The following TRANK1 variants were observed in gnomAD, a reference collection of about 807,000 sequenced individuals.
TRANK1 encodes TPR and ankyrin repeat-containing protein 1.
A neutral mutation model predicts 266.0 loss-of-function variants in TRANK1; 198 were observed. That is an observed-to-expected ratio of 0.74 (90% CI 0.66 to 0.84). TRANK1 has a LOEUF of 0.84. Ranked by LOEUF, TRANK1 falls within the 40% of genes least tolerant of loss-of-function variation. The probability of loss-of-function intolerance (pLI) is 0.00; values close to 1 mark genes in which losing one functional copy is unlikely to be tolerated. For missense variants in TRANK1, 3,326 were observed against 3,634.6 expected (o/e 0.92, Z 2.18); for synonymous variants, 1,396 against 1,384.1 (o/e 1.01, Z -0.19).
Position 36,857,843 on chromosome 3 carries a change from C to A in TRANK1, c.1879G>T (p.Glu627Ter). 1 of 1,613,856 alleles carries A rather than the reference C, an allele frequency of 6.2e-7. No individual in the cohort carries two copies. Reference sequence around the variant, plus strand: ...ATCCGGTGCCGTGCATCTTTGCCCTCTTTGTTCTTCAGATTGAAGTTGATG... The same window carrying A: ...ATCCGGTGCCGTGCATCTTTGCCCTATTTGTTCTTCAGATTGAAGTTGATG... ...FDINFNLKNK[E>*]GKDARHRIKK... is the part of the protein sequence containing the mutation. The change falls in exon 13 of 24, where the codon GAG becomes TAG. Residue 627 changes from glutamate to a stop codon, truncating the protein, a stop_gained. Coordinates refer to ENST00000645898, the MANE Select transcript of TRANK1 (RefSeq NM_001329998.2). LOFTEE classifies it high-confidence loss of function. This position sits in a 1 kb window ranked among gnomAD's most constrained non-coding sequence, Gnocchi z 4.3.
In TRANK1 at chr3:36,831,613, C is replaced by G; in HGVS notation, c.7970G>C (p.Gly2657Ala). The change falls in exon 22 of 24, where the codon GGG (glycine) becomes GCG (alanine). Residue 2657 changes from glycine (G) to alanine (A), a missense_variant. By Grantham distance (60) the Gly-to-Ala change is moderately conservative. Coordinates refer to ENST00000645898, the MANE Select transcript of TRANK1 (RefSeq NM_001329998.2). The surrounding 1 kb of genome is among the most constrained non-coding windows in gnomAD (Gnocchi z 5.0). ...DWRWDPVHTK[G>A]SIVRGLYYEE... is the part of the protein sequence containing the mutation. The stretch of plus-strand genomic sequence containing the variant: ...ATAATAGAGGCCACGGACTATGGAC[C>G]CTTTGGTGTGCACAGGGTCCCACCG... 5 of 1,613,866 alleles carry G rather than the reference C, an allele frequency of 3.1e-6. No homozygotes were observed. Among genetic ancestry groups the G allele is most frequent in the Non-Finnish European group, 4.2e-6 (5 of 1,179,836 alleles).
At chr3:36,843,744 G>A (rs1205271815) in intron 17 of TRANK1, among the ~76,000 whole-genome samples, 1 of 152,162 alleles carries the variant, frequency 6.6e-6, no homozygotes, top group Admixed American at 6.5e-5. Context: ...CTAGGCCAAT[G>A]GATATCAACA....
chr3:36,926,827 G>T (rs1412550938), intron 1 of TRANK1, among the ~76,000 whole-genome samples: 2 of 152,132 alleles, frequency 1.3e-5, no homozygotes, highest in East Asian at 3.9e-4. Flanking sequence ...TCGAAACTGG[G>T]CAACTTCTTA....
intron 10 of TRANK1, 119 bp downstream of exon 10, chr3:36,864,200 T>C: frequency 1.7e-6 from 2 of 1,159,936 alleles, no homozygotes; most frequent in East Asian, 2.6e-5. Context: ...TGTCTGAATG[T>C]TTTACATGTA....
rs2078717746 is a variant in TRANK1 at position 36,832,959 on chromosome 3, A to G, written c.6624T>C (p.His2208=). 6.2e-7 allele frequency: 1 copy of G among 1,611,934 alleles called. No homozygotes were observed. The highest frequency in any genetic ancestry group is 8.5e-7 in the Non-Finnish European group (1 of 1,178,706). The stretch of plus-strand genomic sequence containing the variant: ...CACAACGCCGCAGAGGCCTGTGAAA[A>G]TGTTCACAGTTTTCATCCTCACATT... ...GLKCEDENCE[H]FHRPLRRCEA... The change falls in exon 22 of 24, where the codon CAT becomes CAC. Residue 2208 remains histidine, a synonymous_variant. Coordinates refer to ENST00000645898, the MANE Select transcript of TRANK1 (RefSeq NM_001329998.2).
intron 1 of TRANK1, among the ~76,000 whole-genome samples, chr3:36,941,070 T>C (rs2080490188): frequency 6.6e-6 from 1 of 152,186 alleles, no homozygotes; most frequent in Non-Finnish European, 1.5e-5. Context: ...GCCCATCCAA[T>C]GTCAAGGCTG....
Position 36,838,498 on chromosome 3 carries a change from C to A in TRANK1, c.5391G>T (p.Lys1797Asn). The A allele has an allele frequency of 6.2e-7, 1 of 1,614,066 alleles. No individual in the cohort carries two copies. The highest frequency in any genetic ancestry group is 1.3e-5 in the African/African-American group (1 of 75,064). The change falls in exon 20 of 24, where the codon AAG (lysine) becomes AAT (asparagine). Residue 1797 changes from lysine (K) to asparagine (N), a missense_variant. Physicochemically the swap from Lys to Asn is moderately conservative, Grantham distance 94. Transcript: ENST00000645898. Reference sequence around the variant, plus strand: ...TAGCCAATTCCAAATATTCCAACTGCTTTTCCCTAGGGGAAGGAAAACAAA... The same window carrying A: ...TAGCCAATTCCAAATATTCCAACTGATTTTCCCTAGGGGAAGGAAAACAAA... ...MKSKKVSPKEKQLEYLELAKT... is the reference protein window; with the variant it reads ...MKSKKVSPKENQLEYLELAKT...
chr3:36,864,041 T>C (rs2079179271), intron 10 of TRANK1, among the ~76,000 whole-genome samples: 1 of 152,148 alleles, frequency 6.6e-6, no homozygotes, highest in Non-Finnish European at 1.5e-5. Context: ...GAGAGAAATA[T>C]CTATAGTATT....
intron 8 of TRANK1, among the ~76,000 whole-genome samples, chr3:36,888,282 A>T (rs2079636608): frequency 6.6e-6 from 1 of 152,226 alleles, no homozygotes; most frequent in South Asian, 2.1e-4. Flanking sequence ...TGAAATATCC[A>T]GAATAGGCAA....
intron 1 of TRANK1, among the ~76,000 whole-genome samples, chr3:36,910,586 A>G (rs2080037370): frequency 6.6e-6 from 1 of 151,824 alleles, no homozygotes; most frequent in Non-Finnish European, 1.5e-5. Context: ...CTAAAAATAC[A>G]AAAATCAGAC....
intron 1 of TRANK1, among the ~76,000 whole-genome samples, chr3:36,921,007 C>A (rs1472851650): frequency 6.6e-6 from 1 of 152,138 alleles, no homozygotes; most frequent in African/African-American, 2.4e-5. Flanking sequence ...CCTTTTCCAC[C>A]AGTTTTAATC....
chr3:36,886,036 T>A (rs2079598359), intron 8 of TRANK1, among the ~76,000 whole-genome samples: 1 of 151,784 alleles, frequency 6.6e-6, no homozygotes, highest in African/African-American at 2.4e-5. Context: ...CCTGTGAGAG[T>A]TGAGAAGCCT....
In TRANK1 at chr3:36,833,901, C is replaced by A; in HGVS notation, c.5682G>T (p.Lys1894Asn). ...IAVEKYEEMLKTKTLPISKLS... is the reference protein window; with the variant it reads ...IAVEKYEEMLNTKTLPISKLS... ...GCTTGGAAATGGGAAGGGTCTTAGT[C>A]TTTAGCATTTCTTCATACCTGCAAA... The change falls in exon 22 of 24, where the codon AAG becomes AAT. Residue 1894 changes from lysine to asparagine, a missense_variant. Lys to Asn is a moderately conservative substitution (Grantham distance 94, BLOSUM62 0). Coordinates refer to ENST00000645898, the MANE Select transcript of TRANK1 (RefSeq NM_001329998.2). 3 of 1,608,078 alleles carry A rather than the reference C, an allele frequency of 1.9e-6. No homozygotes were observed. The highest frequency in any genetic ancestry group is 2.5e-6 in the Non-Finnish European group (3 of 1,178,194).
chr3:36,844,211 T>A (rs1022448370), intron 17 of TRANK1, among the ~76,000 whole-genome samples: 1 of 152,152 alleles, frequency 6.6e-6, no homozygotes, highest in Non-Finnish European at 1.5e-5. Context: ...TCTTTGGTTT[T>A]TTAGTTTGTT....
chr3:36,901,213 T>G (rs557042876), intron 3 of TRANK1, among the ~76,000 whole-genome samples: 1 of 151,556 alleles, frequency 6.6e-6, no homozygotes, highest in South Asian at 2.1e-4. Context: ...ATTCAACAGA[T>G]GCAAAAAGAA....
chr3:36,944,598 G>A lies in TRANK1; in HGVS notation c.23+189C>T, dbSNP rs1242721757. Among the ~76,000 whole-genome samples, 3 of 152,218 alleles carry A rather than the reference G, an allele frequency of 2.0e-5. No individual in the cohort carries two copies. In the East Asian group the frequency reaches 5.8e-4, roughly 30 times the overall value. ...ACCGAAAAGGCCGAAGCCGTCCCCC[G>A]CGACCGACCCCGCGCAACTGGCTCG... On this transcript the variant is annotated intron_variant, in intron 1 of 23. Coordinates refer to ENST00000645898, the MANE Select transcript of TRANK1 (RefSeq NM_001329998.2).
chr3:36,863,612 A>G (rs1357883199), intron 10 of TRANK1, among the ~76,000 whole-genome samples: 1 of 152,210 alleles, frequency 6.6e-6, no homozygotes, highest in Non-Finnish European at 1.5e-5. Flanking sequence ...TAATTGTTCT[A>G]TATTCATTAT....
intron 9 of TRANK1, among the ~76,000 whole-genome samples, chr3:36,873,238 G>C (rs2079335680): frequency 6.6e-6 from 1 of 152,114 alleles, no homozygotes; most frequent in Non-Finnish European, 1.5e-5. Context: ...GTAAAAGAAA[G>C]ACATTTTCAA....
intron 17 of TRANK1, among the ~76,000 whole-genome samples, chr3:36,843,566 A>G (rs2078876741): frequency 6.6e-6 from 1 of 152,010 alleles, no homozygotes; most frequent in Admixed American, 6.6e-5. Flanking sequence ...TGACTATTTC[A>G]GCACTGCACC....
Sources: gnomAD v4.1 joint callset for allele counts (sites outside exome capture counted in the v4.1 genomes callset) on GRCh38, gnomAD v4.1.1 for gene constraint, Gnocchi (gnomAD v3.1) non-coding constraint, MANE v1.5 for transcripts, NCBI Gene and HGNC (gene_info 2026-07-23, HGNC 2026-07-21) for gene names.